Variants in RSPO2 observed in about 807,000 individuals in gnomAD.
RSPO2 encodes the protein R-spondin-2.
Under a neutral mutation model 30.9 loss-of-function variants are expected in RSPO2, and 14 were observed. The ratio of observed to expected loss-of-function variants is 0.45; its 90% CI spans 0.30 to 0.71. The LOEUF (loss-of-function observed/expected upper bound fraction) is 0.71, where lower values mean the gene tolerates loss of function less well. Among genes scored for constraint, RSPO2 ranks in the 30% least tolerant of loss-of-function variants. The pLI is 0.08. For missense variants in RSPO2, 264 were observed against 301.9 expected (o/e 0.87, Z 0.93); for synonymous variants, 107 against 96.4 (o/e 1.11, Z -0.64).
At position 107,958,168 on chromosome 8, in the gene RSPO2, A is replaced by C. The variant is rs200806324; in HGVS notation, c.528T>G (p.Ile176Met). Residue 176 changes from isoleucine (I) to methionine (M), a missense_variant, in exon 5 of 6, where the codon ATT becomes ATG. By Grantham distance (10) the Ile-to-Met change is conservative (BLOSUM62 1). Transcript: ENST00000276659. ...TTGTGTCTTTCACTGGCTTTTTAAC[A>C]ATTTGCCGTGTTCTGGTTTCCAGAC... ...KWGLETRTRQIVKKPVKDTIL... is the reference protein window; with the variant it reads ...KWGLETRTRQMVKKPVKDTIL... 18 of 1,613,752 alleles carry C rather than the reference A, an allele frequency of 1.1e-5. No individual in the cohort carries two copies. The highest frequency in any genetic ancestry group is 1.5e-5 in the Non-Finnish European group (18 of 1,179,838).
intron 3 of RSPO2, among the ~76,000 whole-genome samples, chr8:107,967,694 T>TA (rs1813853422): frequency 6.6e-6 from 1 of 152,176 alleles, no homozygotes; most frequent in Non-Finnish European, 1.5e-5. Flanking sequence ...AAGATTGCCT[T>TA]AATTAGTTCA....
chr8:108,078,761 G>A (rs1174641904), intron 2 of RSPO2, among the ~76,000 whole-genome samples: 3 of 152,110 alleles, frequency 2.0e-5, no homozygotes, highest in African/African-American at 4.8e-5. Context: ...AAAAGGCTAC[G>A]GAAAGAAACA....
intron 2 of RSPO2, among the ~76,000 whole-genome samples, chr8:108,060,828 C>T (rs546118540): frequency 1.5e-4 from 23 of 151,904 alleles, no homozygotes; most frequent in African/African-American, 4.4e-4. Flanking sequence ...AGACTAACAG[C>T]AGATCTCTCA....
At chr8:108,045,194 T>C (rs1401617429) in intron 2 of RSPO2, among the ~76,000 whole-genome samples, 4 of 152,118 alleles carry the variant, frequency 2.6e-5, no homozygotes, top group African/African-American at 7.2e-5. Flanking sequence ...AAAGGCCTAA[T>C]ATCTAGAATC....
In RSPO2 at chr8:108,074,101, C is replaced by T. The variant is rs16877136; in HGVS notation, c.94+8444G>A. On this transcript the variant is annotated intron_variant, in intron 2 of 5. Coordinates refer to ENST00000276659, the MANE Select transcript of RSPO2 (RefSeq NM_178565.5). Reference sequence around the variant, plus strand: ...TCTAATTTCAGGAAGCTTACAAAAACCCTAGCCCTACCTCTGGACCCCAAG... The same window carrying T: ...TCTAATTTCAGGAAGCTTACAAAAATCCTAGCCCTACCTCTGGACCCCAAG... Among the ~76,000 whole-genome samples the T allele has an allele frequency of 4.7e-3, 720 of 152,282 alleles. 9 individuals are homozygous for T. The highest frequency in any genetic ancestry group is 0.017 in the African/African-American group (694 of 41,548).
At chr8:108,041,178 T>A (rs1319344898) in intron 2 of RSPO2, among the ~76,000 whole-genome samples, 10 of 96,476 alleles carry the variant, frequency 1.0e-4, no homozygotes, top group African/African-American at 4.1e-4. Flanking sequence ...CACAACATTT[T>A]AGAAAGAGCT....
At chr8:108,005,850 A>G (rs1165581510) in intron 2 of RSPO2, among the ~76,000 whole-genome samples, 1 of 152,180 alleles carries the variant, frequency 6.6e-6, no homozygotes, top group African/African-American at 2.4e-5. Flanking sequence ...GTACATAAAC[A>G]TACAGATGTA....
At chr8:107,991,333 A>G (rs1290060315) in intron 2 of RSPO2, among the ~76,000 whole-genome samples, 1 of 152,012 alleles carries the variant, frequency 6.6e-6, no homozygotes, top group African/African-American at 2.4e-5. Context: ...TGATGCTGGG[A>G]TAACTGGCTA....
At chr8:107,991,140 G>A (rs1450169201) in intron 2 of RSPO2, among the ~76,000 whole-genome samples, 1 of 151,242 alleles carries the variant, frequency 6.6e-6, no homozygotes, top group Non-Finnish European at 1.5e-5. Context: ...CCAGCTACTT[G>A]GGAGTCTAAG....
At chr8:107,956,372 C>G (rs1173895922) in intron 5 of RSPO2, among the ~76,000 whole-genome samples, 1 of 152,162 alleles carries the variant, frequency 6.6e-6, no homozygotes, top group African/African-American at 2.4e-5. Context: ...AGAATTAAAT[C>G]AGTCTGTTAC....
chr8:107,925,553 C>A (rs181544068), intron 5 of RSPO2, among the ~76,000 whole-genome samples: 7 of 151,972 alleles, frequency 4.6e-5, no homozygotes, highest in Admixed American at 3.9e-4. Flanking sequence ...ATCCCTCCCC[C>A]CTCCTCCCAC....
In RSPO2 at chr8:107,920,046, C is replaced by T. The variant is rs556373573; in HGVS notation, c.617-18856G>A. On this transcript the variant is annotated intron_variant, in intron 5 of 5. Coordinates refer to ENST00000276659, the MANE Select transcript of RSPO2 (RefSeq NM_178565.5). ...TAGGGACAGGGCAAGACTTATCTCC[C>T]TCCAAGTTCCTGTATATATGAACAA... is the stretch of plus-strand genomic sequence containing the variant. Among the ~76,000 whole-genome samples, 26 of 152,122 alleles carry T rather than the reference C, an allele frequency of 1.7e-4. No homozygotes were observed. The South Asian group carries it at 5.0e-3, about 29-fold the overall frequency.
intron 3 of RSPO2, among the ~76,000 whole-genome samples, chr8:107,962,420 T>C (rs2130445633): frequency 6.6e-6 from 1 of 152,302 alleles, no homozygotes; most frequent in East Asian, 1.9e-4. Flanking sequence ...AAGCAGCTAA[T>C]GCAACTTCTA....
At chr8:108,072,557 C>A (rs1812891518) in intron 2 of RSPO2, among the ~76,000 whole-genome samples, 1 of 143,078 alleles carries the variant, frequency 7.0e-6, no homozygotes. Context: ...CCAGGATAGT[C>A]TCGATCTCCT....
chr8:108,054,004 T>G (rs1055328688), intron 2 of RSPO2, among the ~76,000 whole-genome samples: 6 of 152,196 alleles, frequency 3.9e-5, no homozygotes, highest in Non-Finnish European at 8.8e-5. Context: ...ATGTATATCA[T>G]TATTTCAGCA....
At chr8:107,941,725 G>C (rs2130376170) in intron 5 of RSPO2, among the ~76,000 whole-genome samples, 1 of 152,320 alleles carries the variant, frequency 6.6e-6, no homozygotes, top group African/African-American at 2.4e-5. Context: ...ACAGTGAGCA[G>C]ACTTGGTAAT....
intron 2 of RSPO2, among the ~76,000 whole-genome samples, chr8:108,031,229 G>A (rs1483296342): frequency 6.6e-6 from 1 of 152,144 alleles, no homozygotes; most frequent in African/African-American, 2.4e-5. Context: ...TCAAATAGTG[G>A]CTATAAAGAG....
intron 2 of RSPO2, among the ~76,000 whole-genome samples, chr8:108,021,139 C>A (rs1314914317): frequency 6.6e-6 from 1 of 152,240 alleles, no homozygotes; most frequent in Admixed American, 6.5e-5. Context: ...TTTAGTGCAA[C>A]ATTAATAAAG....
chr8:107,998,945 G>T (rs1274576626), intron 2 of RSPO2, among the ~76,000 whole-genome samples: 1 of 152,140 alleles, frequency 6.6e-6, no homozygotes, highest in African/African-American at 2.4e-5. Flanking sequence ...TACTCAGGAG[G>T]CTGAGACAGA....
Sources: gnomAD v4.1 joint callset for allele counts (sites outside exome capture counted in the v4.1 genomes callset) on GRCh38, gnomAD v4.1.1 for gene constraint, MANE v1.5 for transcripts, NCBI Gene and HGNC (gene_info 2026-07-23, HGNC 2026-07-21) for gene names.